Variants in LOXL3 observed in about 807,000 individuals in gnomAD.
LOXL3 encodes lysyl oxidase homolog 3.
Under a neutral mutation model 91.8 loss-of-function variants are expected in LOXL3, and 60 were observed. That is an observed-to-expected ratio of 0.65 (90% CI 0.53 to 0.81). The LOEUF is 0.81. Among genes scored for constraint, LOXL3 ranks in the 30% least tolerant of loss-of-function variants. The probability of loss-of-function intolerance (pLI) is 0.00; values close to 1 mark genes in which losing one functional copy is unlikely to be tolerated. For missense variants in LOXL3, 874 were observed against 1,000.4 expected (o/e 0.87, Z 1.70); for synonymous variants, 355 against 387.6 (o/e 0.92, Z 0.99).
chr2:74,555,548 C>T (rs376579870), upstream of LOXL3: 529 of 1,613,032 alleles, frequency 3.3e-4, no homozygotes, highest in Non-Finnish European at 4.0e-4. This position sits in a 1 kb window ranked among gnomAD's most constrained non-coding sequence, Gnocchi z 6.1. Flanking sequence ...GAGGAAATTA[C>T]GGGTTTCTCG....
At position 74,552,342 on chromosome 2, in the gene LOXL3, G is replaced by A; in HGVS notation, c.293C>T (p.Ala98Val). The change falls in exon 2 of 14, where the codon GCC becomes GTC. Residue 98 changes from alanine to valine, a missense_variant. Ala to Val is a moderately conservative substitution (Grantham distance 64). Coordinates refer to ENST00000264094, the MANE Select transcript of LOXL3 (RefSeq NM_032603.5). ...CTCACCTGTTCCAGGGCCATATTTG[G>A]CACTGTGGGTCCAGCCTGTGGCCTC... ...FTEATGWTHS[A>V]KYGPGTGRIW... 1 of 1,601,710 alleles carries A rather than the reference G, an allele frequency of 6.2e-7. No individual in the cohort carries two copies. Among genetic ancestry groups the A allele is most frequent in the South Asian group, 1.1e-5 (1 of 90,860 alleles).
At chr2:74,541,346 G>A (rs1214403416) in intron 4 of LOXL3, among the ~76,000 whole-genome samples, 1 of 152,178 alleles carries the variant, frequency 6.6e-6, no homozygotes, top group African/African-American at 2.4e-5. Flanking sequence ...TGTTTAATGT[G>A]TGAAGACACC....
chr2:74,545,635 A>G (rs1676544710), intron 4 of LOXL3, among the ~76,000 whole-genome samples: 1 of 152,164 alleles, frequency 6.6e-6, no homozygotes, highest in Non-Finnish European at 1.5e-5. Context: ...TCTGGGCAGC[A>G]CTGACTTAGC....
At position 74,533,358 on chromosome 2, in the gene LOXL3, TGTGGTGGGCTCTGGTCTGTTCTGCTCG is replaced by T. The variant is rs1675766021; in HGVS notation, c.*221_*247del. On this transcript the variant is annotated 3_prime_UTR_variant, in exon 14 of 14. Transcript: ENST00000264094. ...GTTAGTCAGGTGCTGCTCTTTGTGGTGTGGTGGGCTCTGGTCTGTTCTGCTCGGTGCTGGGCCTGGGAGCAAAGATTC... is the reference window on the plus strand; with the variant it reads ...GTTAGTCAGGTGCTGCTCTTTGTGGTGTGCTGGGCCTGGGAGCAAAGATTC... 5.5e-6 allele frequency: 3 copies of T among 540,736 alleles called. No homozygotes were observed. In the Admixed American group the frequency reaches 9.8e-5, roughly 18 times the overall value. 33.5% of individuals were successfully genotyped at this position (540,736 alleles called of 1,614,324 possible).
Position 74,536,124 on chromosome 2 carries a change from C to T in LOXL3, c.1120G>A (p.Val374Ile). 6.2e-7 allele frequency: 1 copy of T among 1,613,952 alleles called. No individual in the cohort carries two copies. Among genetic ancestry groups the T allele is most frequent in the Non-Finnish European group, 8.5e-7 (1 of 1,180,026 alleles). ...GAGAGCTCCTGTCCAGAGCAGCGAA[C>T]TTCACTCAGGTGGATAGCACCCATG... ...QGMGAIHLSE[V>I]RCSGQELSLW... The change falls in exon 7 of 14, where the codon GTT (valine) becomes ATT (isoleucine). Residue 374 changes from valine (V) to isoleucine (I), a missense_variant. Val to Ile is a conservative substitution (Grantham distance 29). Transcript: ENST00000264094. The surrounding 1 kb of genome is among the most constrained non-coding windows in gnomAD (Gnocchi z 4.5).
Position 74,534,518 on chromosome 2 carries a change from C to T in LOXL3, c.1823+13G>A, listed in dbSNP as rs1379702879. Reference sequence around the variant, plus strand: ...GTGGTCTTGCCCTTCTACTTGACTCCCTACCCTCTCACCCATGGCACTCGT... The same window carrying T: ...GTGGTCTTGCCCTTCTACTTGACTCTCTACCCTCTCACCCATGGCACTCGT... On this transcript the variant is annotated intron_variant, in intron 10 of 13. Coordinates refer to ENST00000264094, the MANE Select transcript of LOXL3 (RefSeq NM_032603.5). 1 of 1,613,966 alleles carries T rather than the reference C, an allele frequency of 6.2e-7. No individual in the cohort carries two copies. Among genetic ancestry groups the T allele is most frequent in the East Asian group, 2.2e-5 (1 of 44,882 alleles).
chr2:74,533,369 C>G lies in LOXL3; in HGVS notation c.*237G>C, dbSNP rs71640295. ...GCTGCTCTTTGTGGTGTGGTGGGCT[C>G]TGGTCTGTTCTGCTCGGTGCTGGGC... On this transcript the variant is annotated 3_prime_UTR_variant, in exon 14 of 14. Coordinates refer to ENST00000264094, the MANE Select transcript of LOXL3 (RefSeq NM_032603.5). 5.5e-6 allele frequency: 3 copies of G among 549,456 alleles called. No homozygotes were observed. The highest frequency in any genetic ancestry group is 9.8e-6 in the Non-Finnish European group (3 of 307,208). The allele number at this position is 549,456 out of a possible 1,614,324, so 34.0% of individuals were successfully genotyped here. A position where few individuals can be genotyped will look rare whatever the true frequency, so the allele number is the denominator to read the frequency against.
In LOXL3 at chr2:74,534,715, G is replaced by A. The variant is rs1255981248; in HGVS notation, c.1639C>T (p.Arg547Trp). 9 of 1,614,056 alleles carry A rather than the reference G, an allele frequency of 5.6e-6. No individual in the cohort carries two copies. Among genetic ancestry groups the A allele is most frequent in the East Asian group, 2.2e-5 (1 of 44,896 alleles). ...LVQETAYIED[R>W]PLHMLYCAAE... ...GCACAGTACAACATATGCAGGGGCC[G>A]GTCTTCGATGTAGGCGGTCTCCTGC... Residue 547 changes from arginine (R) to tryptophan (W), a missense_variant, in exon 10 of 14, where the codon CGG (arginine) becomes TGG (tryptophan). Transcript: ENST00000264094.
chr2:74,538,682 C>A (rs1676155644), intron 4 of LOXL3, among the ~76,000 whole-genome samples: 1 of 152,152 alleles, frequency 6.6e-6, no homozygotes, highest in African/African-American at 2.4e-5. Context: ...GCTGAGTTTC[C>A]CTCCATCTCG....
chr2:74,550,004 G>C (rs1365410097), intron 3 of LOXL3, 181 bp downstream of exon 3: 20 of 985,296 alleles, frequency 2.0e-5, no homozygotes, highest in Non-Finnish European at 2.3e-5. Flanking sequence ...CCTTGAATGT[G>C]AATGCTAAAA....
At chr2:74,543,287 C>T (rs928848188) in intron 4 of LOXL3, among the ~76,000 whole-genome samples, 7 of 152,102 alleles carry the variant, frequency 4.6e-5, no homozygotes, top group African/African-American at 1.7e-4. Flanking sequence ...GCATTTTGTT[C>T]TCACTTCATA....
chr2:74,539,468 G>A (rs114319223), intron 4 of LOXL3, among the ~76,000 whole-genome samples: 2,481 of 152,238 alleles, frequency 0.016, 39 homozygotes, highest in Middle Eastern at 0.027. Flanking sequence ...GAATGGGAAT[G>A]TGGGTGAACT....
chr2:74,536,518 A>T lies in LOXL3; in HGVS notation c.913-47T>A, dbSNP rs930197425. On this transcript the variant is annotated intron_variant, in intron 5 of 13. Transcript: ENST00000264094. The surrounding 1 kb of genome is among the most constrained non-coding windows in gnomAD (Gnocchi z 4.5). Reference sequence around the variant, plus strand: ...AACAGAGGCAAATGGCAACATCTGCACGGAGGGCTAAGCAGACCTGGGAGA... The same window carrying T: ...AACAGAGGCAAATGGCAACATCTGCTCGGAGGGCTAAGCAGACCTGGGAGA... 6.4e-7 allele frequency: 1 copy of T among 1,572,740 alleles called. No homozygotes were observed. The highest frequency in any genetic ancestry group is 8.7e-7 in the Non-Finnish European group (1 of 1,155,628).
At position 74,534,449 on chromosome 2, in the gene LOXL3, C is replaced by G. The variant is rs769818115; in HGVS notation, c.1824-18G>C. On this transcript the variant is annotated intron_variant, in intron 10 of 13. Transcript: ENST00000264094. The stretch of plus-strand genomic sequence containing the variant: ...GGTAATGCCTGTGGGGAGAAGGGAA[C>G]TTCTGTTTCCTTCTCTGCCCCCAGA... 2 of 1,613,918 alleles carry G rather than the reference C, an allele frequency of 1.2e-6. No individual in the cohort carries two copies. The highest frequency in any genetic ancestry group is 3.3e-5 in the Admixed American group (2 of 60,020).
chr2:74,554,607 G>A (rs1573036625), upstream of LOXL3: 8 of 707,250 alleles, frequency 1.1e-5, no homozygotes, highest in East Asian at 2.7e-5. This position sits in a 1 kb window ranked among gnomAD's most constrained non-coding sequence, Gnocchi z 4.9. Flanking sequence ...ATTCCTTCTC[G>A]CTCCTCTCCC....
intron 4 of LOXL3, among the ~76,000 whole-genome samples, chr2:74,548,660 CA>C (rs1676760828): frequency 6.6e-6 from 1 of 152,114 alleles, no homozygotes; most frequent in African/African-American, 2.4e-5. Flanking sequence ...GGCAGTTTCT[CA>C]AAAAGATCAA....
At position 74,535,361 on chromosome 2, in the gene LOXL3, G is replaced by A. The variant is rs1386074090; in HGVS notation, c.1510C>T (p.His504Tyr). The change falls in exon 9 of 14, where the codon CAT (histidine) becomes TAT (tyrosine). Residue 504 changes from histidine (H) to tyrosine (Y), a missense_variant. Physicochemically the swap from His to Tyr is moderately conservative, Grantham distance 83. Transcript: ENST00000264094. This position sits in a 1 kb window ranked among gnomAD's most constrained non-coding sequence, Gnocchi z 4.2. ...GTELSLDQCA[H>Y]HGTHITCKRT... ...TTGCAGGTGATGTGGGTGCCATGAT[G>A]GGCACACTGATCCAGGGACAGCTCA... The A allele has an allele frequency of 6.2e-7, 1 of 1,614,076 alleles. No homozygotes were observed. Among genetic ancestry groups the A allele is most frequent in the Non-Finnish European group, 8.5e-7 (1 of 1,180,000 alleles).
At chr2:74,553,436 TC>T (rs1677158910) in intron 1 of LOXL3, among the ~76,000 whole-genome samples, 1 of 152,146 alleles carries the variant, frequency 6.6e-6, no homozygotes, top group African/African-American at 2.4e-5. Context: ...GGTAGGGTTG[TC>T]CCAGCCTCCT....
rs757369182 is a variant in LOXL3 at position 74,549,598 on chromosome 2, A to C, written c.478-15T>G. On this transcript the variant is annotated splice_polypyrimidine_tract_variant and intron_variant, in intron 3 of 13. Transcript: ENST00000264094. This position sits in a 1 kb window ranked among gnomAD's most constrained non-coding sequence, Gnocchi z 5.3. ...TGATGCTCTACCTGGGGGCGGGGCC[A>C]CAAGCAGGGAAAGAATCCCAGTGGC... 6.3e-7 allele frequency: 1 copy of C among 1,595,398 alleles called. No individual in the cohort carries two copies. The highest frequency in any genetic ancestry group is 2.3e-5 in the East Asian group (1 of 44,274).
Sources: gnomAD v4.1 joint callset for allele counts (sites outside exome capture counted in the v4.1 genomes callset) on GRCh38, gnomAD v4.1.1 for gene constraint, Gnocchi (gnomAD v3.1) non-coding constraint, MANE v1.5 for transcripts, NCBI Gene and HGNC (gene_info 2026-07-23, HGNC 2026-07-21) for gene names.